Variants in ATL1 observed in about 807,000 individuals in gnomAD.
ATL1 encodes the protein atlastin-1.
In ATL1, 31 loss-of-function variants were observed where a neutral mutation model predicts 75.5. The ratio of observed to expected loss-of-function variants is 0.41; its 90% CI spans 0.31 to 0.55. The LOEUF (loss-of-function observed/expected upper bound fraction) is 0.55. ATL1 is among the 20% of genes least tolerant of loss of function. The pLI is 0.27. For synonymous variants in ATL1, 226 were observed against 233.3 expected, an observed-to-expected ratio of 0.97 and a Z score of 0.28; for missense variants, 405 against 662.6, an observed-to-expected ratio of 0.61 and a Z score of 4.27.
At chr14:50,558,118 A>T (rs1429242224), upstream of ATL1, among the ~76,000 whole-genome samples, 2 of 152,214 alleles carry the variant, frequency 1.3e-5, no homozygotes, top group African/African-American at 2.4e-5. Flanking sequence ...AAAAGACATG[A>T]CATCAAGAGG....
intron 2 of ATL1, among the ~76,000 whole-genome samples, chr14:50,588,804 A>C (rs1844003371): frequency 6.6e-6 from 1 of 152,228 alleles, no homozygotes; most frequent in South Asian, 2.1e-4. Context: ...ATTTTTATGA[A>C]TATCTCAATG....
At chr14:50,593,558 GT>G (rs1180430818) in intron 4 of ATL1, among the ~76,000 whole-genome samples, 2 of 152,110 alleles carry the variant, frequency 1.3e-5, no homozygotes, top group African/African-American at 2.4e-5. Flanking sequence ...GGAAGAATGA[GT>G]TTTTTTGACT....
At chr14:50,551,350 CCAAT>C (rs74902690) in intron 1 of ATL1, among the ~76,000 whole-genome samples, 103,546 of 151,070 alleles carry the variant, frequency 0.69, 35,742 homozygotes, top group East Asian at 0.75. Flanking sequence ...TCTGAACAGA[CCAAT>C]AACAAGCAGT....
intron 1 of ATL1, among the ~76,000 whole-genome samples, chr14:50,584,288 G>T (rs1012120610): frequency 6.6e-6 from 1 of 152,194 alleles, no homozygotes; most frequent in African/African-American, 2.4e-5. Context: ...TGAGGTGGGA[G>T]GATCGATTGA....
At chr14:50,570,713 A>G (rs1214085126) in intron 1 of ATL1, among the ~76,000 whole-genome samples, 2 of 152,188 alleles carry the variant, frequency 1.3e-5, no homozygotes, top group Non-Finnish European at 2.9e-5. Flanking sequence ...GTCTTTCTCT[A>G]GGACAGTTTC....
chr14:50,544,319 A>G (rs994448352), intron 1 of ATL1, among the ~76,000 whole-genome samples: 5 of 152,212 alleles, frequency 3.3e-5, no homozygotes, highest in Admixed American at 6.5e-5. Context: ...TGTCCTTACT[A>G]TCAGAACCAC....
rs369296307 is a variant in ATL1, at chr14:50,624,950, G to T, written c.1119+1702G>T. 1.1e-3 allele frequency among the ~76,000 whole-genome samples: 169 copies of T among 149,492 alleles called. 2 individuals carry two copies. The South Asian group carries it at 0.033, about 29-fold the overall frequency. ...CCAGGCATGGTGGCACATGCCCATA[G>T]TCCCAGTTACTTGGGAGGCCGAGGC... On this transcript the variant is annotated intron_variant, in intron 11 of 13. Coordinates refer to ENST00000358385, the MANE Select transcript of ATL1 (RefSeq NM_015915.5).
chr14:50,539,744 GCTAAATACTTA>G (rs1265056575), intron 1 of ATL1, among the ~76,000 whole-genome samples: 2 of 152,256 alleles, frequency 1.3e-5, no homozygotes, highest in Non-Finnish European at 2.9e-5. Flanking sequence ...GTAGGATCTT[GCTAAATACTTA>G]CCTGGGATTC....
chr14:50,627,630 C>T (rs74404100), intron 11 of ATL1, among the ~76,000 whole-genome samples: 5,334 of 152,150 alleles, frequency 0.035, 96 homozygotes, highest in Middle Eastern at 0.051. Flanking sequence ...TTTATTAAAC[C>T]TCATTGGTTA....
chr14:50,583,467 T>C (rs1301314064), intron 1 of ATL1, among the ~76,000 whole-genome samples: 2 of 152,086 alleles, frequency 1.3e-5, no homozygotes, highest in Admixed American at 6.5e-5. Flanking sequence ...AATAAACCAG[T>C]CATAGTTAGC....
intron 5 of ATL1, among the ~76,000 whole-genome samples, chr14:50,594,246 C>T (rs940998937): frequency 1.3e-5 from 2 of 152,168 alleles, no homozygotes; most frequent in Non-Finnish European, 2.9e-5. Flanking sequence ...TGAGAACTCA[C>T]TCACTATGGC....
At chr14:50,630,116 ATCTT>A in intron 13 of ATL1, 107 bp downstream of exon 13, 3 of 731,870 alleles carry the variant, frequency 4.1e-6, no homozygotes, top group East Asian at 2.9e-5. Context: ...GATTAGAACA[ATCTT>A]TGGTGACTTC....
intron 1 of ATL1, among the ~76,000 whole-genome samples, chr14:50,584,566 A>G (rs562668930): frequency 1.3e-5 from 2 of 151,940 alleles, no homozygotes; most frequent in East Asian, 3.9e-4. Flanking sequence ...AAAATAAAAA[A>G]TGCGAGGTGG....
intron 8 of ATL1, among the ~76,000 whole-genome samples, chr14:50,619,466 G>C (rs1243174213): frequency 6.6e-6 from 1 of 152,150 alleles, no homozygotes; most frequent in Non-Finnish European, 1.5e-5. Flanking sequence ...GCCTCCCAAA[G>C]TGCCGGGATT....
At chr14:50,599,191 C>G (rs192558172) in intron 6 of ATL1, among the ~76,000 whole-genome samples, 1 of 152,088 alleles carries the variant, frequency 6.6e-6, no homozygotes, top group Non-Finnish European at 1.5e-5. Flanking sequence ...CAAAAGATTA[C>G]TAAGCAGAAC....
intron 8 of ATL1, among the ~76,000 whole-genome samples, chr14:50,617,499 C>T (rs1250846130): frequency 1.3e-5 from 2 of 152,142 alleles, no homozygotes; most frequent in East Asian, 1.9e-4. Flanking sequence ...TAGTCAAATG[C>T]GTGTTTCCAA....
chr14:50,621,728 T>C (rs1364302298), intron 9 of ATL1, 115 bp from the exon 10 acceptor site: 6 of 717,864 alleles, frequency 8.4e-6, no homozygotes, highest in African/African-American at 7.2e-5. Context: ...ATAAAATAGT[T>C]ATAAGTTCCT....
chr14:50,619,735 T>C (rs1306210841), intron 8 of ATL1, among the ~76,000 whole-genome samples: 1 of 152,210 alleles, frequency 6.6e-6, no homozygotes, highest in African/African-American at 2.4e-5. Flanking sequence ...TTTGTGTTGC[T>C]GAGTTCCACC....
At chr14:50,534,160 A>T (rs934796464) in intron 1 of ATL1, among the ~76,000 whole-genome samples, 5 of 152,232 alleles carry the variant, frequency 3.3e-5, no homozygotes, top group South Asian at 2.1e-4. Context: ...CTGATCCTTT[A>T]TCTAGTCTGA....
Sources: allele counts gnomAD v4.1 joint callset (sites outside exome capture counted in the v4.1 genomes callset), GRCh38; gene constraint gnomAD v4.1.1; transcripts MANE v1.5; gene names NCBI Gene and HGNC (gene_info 2026-07-23, HGNC 2026-07-21).